VSNL1: variants seen among roughly 807,000 people sequenced by gnomAD.
VSNL1 encodes the protein visinin like 1, also known as visinin-like protein 1.
In VSNL1, 6 loss-of-function variants were observed where a neutral mutation model predicts 20.4. That is an observed-to-expected ratio of 0.29 (90% confidence interval 0.16 to 0.58). The LOEUF is 0.58. Ranked by LOEUF, VSNL1 falls within the 20% of genes least tolerant of loss-of-function variation. VSNL1 has a pLI of 0.90. For missense variants in VSNL1, 100 were observed against 234.5 expected (o/e 0.43, Z 3.75); for synonymous variants, 93 against 86.4 (o/e 1.08, Z -0.42).
At chr2:17,645,504 C>G (rs1374707377) in intron 2 of VSNL1, among the ~76,000 whole-genome samples, 2 of 152,228 alleles carry the variant, frequency 1.3e-5, no homozygotes, top group African/African-American at 4.8e-5. Flanking sequence ...AAATGTGTCA[C>G]TGGAGAGAGG....
intron 2 of VSNL1, among the ~76,000 whole-genome samples, chr2:17,618,987 G>T (rs1368000984): frequency 2.0e-5 from 3 of 152,236 alleles, no homozygotes; most frequent in Non-Finnish European, 4.4e-5. Context: ...TGGGGTCGGG[G>T]TTGGGAAGAG....
intron 1 of VSNL1, among the ~76,000 whole-genome samples, chr2:17,542,372 C>T (rs777758446): frequency 1.3e-4 from 20 of 152,100 alleles, no homozygotes; most frequent in Non-Finnish European, 2.4e-4. Flanking sequence ...AAAAGCATGG[C>T]TAGTGCGTGC....
intron 1 of VSNL1, among the ~76,000 whole-genome samples, chr2:17,587,151 A>T (rs11688077): frequency 0.24 from 36,875 of 151,994 alleles, 5,827 homozygotes; most frequent in Middle Eastern, 0.48. Flanking sequence ...ATGTATTTGC[A>T]CATGTGGTGG....
At chr2:17,615,406 A>G (rs889916730) in intron 2 of VSNL1, among the ~76,000 whole-genome samples, 3 of 152,178 alleles carry the variant, frequency 2.0e-5, no homozygotes, top group African/African-American at 7.2e-5. Flanking sequence ...CTGTATATGC[A>G]TATGTTGTAG....
chr2:17,644,420 AAGAGCAGC>A (rs760461011), intron 2 of VSNL1, among the ~76,000 whole-genome samples: 31 of 152,174 alleles, frequency 2.0e-4, no homozygotes, highest in Non-Finnish European at 2.9e-4. Context: ...GCCTAAAGCA[AAGAGCAGC>A]CTGACAGTGC....
chr2:17,572,369 T>C (rs988405977), intron 1 of VSNL1, among the ~76,000 whole-genome samples: 1 of 152,114 alleles, frequency 6.6e-6, no homozygotes, highest in Non-Finnish European at 1.5e-5. Flanking sequence ...GATACAGATA[T>C]GTAAATAAGA....
intron 2 of VSNL1, among the ~76,000 whole-genome samples, chr2:17,603,439 C>A (rs986706415): frequency 6.6e-6 from 1 of 152,196 alleles, no homozygotes; most frequent in Non-Finnish European, 1.5e-5. Flanking sequence ...CCCAAAGAAC[C>A]TATCTCCTAA....
At chr2:17,576,192 A>C (rs1664210048) in intron 1 of VSNL1, among the ~76,000 whole-genome samples, 2 of 152,170 alleles carry the variant, frequency 1.3e-5, no homozygotes, top group African/African-American at 2.4e-5. Context: ...GAGTGTGTTT[A>C]ATTTTGCATC....
intron 2 of VSNL1, among the ~76,000 whole-genome samples, chr2:17,621,918 C>T (rs367633879): frequency 1.5e-4 from 23 of 152,178 alleles, no homozygotes; most frequent in South Asian, 1.0e-3. Context: ...AATGAGCCAC[C>T]GCACCCAGCC....
At chr2:17,565,682 G>A (rs185145153) in intron 1 of VSNL1, among the ~76,000 whole-genome samples, 319 of 152,294 alleles carry the variant, frequency 2.1e-3, no homozygotes, top group African/African-American at 7.4e-3. Flanking sequence ...ATAACTGAAT[G>A]TCTACAGGGC....
At chr2:17,581,853 T>C (rs907455326) in intron 1 of VSNL1, among the ~76,000 whole-genome samples, 2 of 152,210 alleles carry the variant, frequency 1.3e-5, no homozygotes, top group African/African-American at 4.8e-5. Flanking sequence ...TTCCTGGGTA[T>C]CTGTTCAGCA....
At chr2:17,602,369 C>G (rs1320350791) in intron 2 of VSNL1, among the ~76,000 whole-genome samples, 1 of 152,242 alleles carries the variant, frequency 6.6e-6, no homozygotes, top group African/African-American at 2.4e-5. Flanking sequence ...TCTCCCCTCA[C>G]AGGTGAAATC....
At chr2:17,647,552 T>G (rs1441428595) in intron 2 of VSNL1, among the ~76,000 whole-genome samples, 2 of 152,116 alleles carry the variant, frequency 1.3e-5, no homozygotes, top group African/African-American at 4.8e-5. Flanking sequence ...TCAACATTGT[T>G]TAGTTCAAAA....
intron 2 of VSNL1, among the ~76,000 whole-genome samples, chr2:17,647,287 G>A (rs918551794): frequency 5.3e-5 from 8 of 152,182 alleles, no homozygotes. Context: ...CACGAATGGA[G>A]GTTTCGTGCC....
chr2:17,583,333 C>T (rs1005399818), intron 1 of VSNL1, among the ~76,000 whole-genome samples: 5 of 152,260 alleles, frequency 3.3e-5, no homozygotes, highest in Non-Finnish European at 7.3e-5. Context: ...CTGCTGTTCT[C>T]AGATAAGGGC....
intron 1 of VSNL1, among the ~76,000 whole-genome samples, chr2:17,561,941 A>G (rs1663826128): frequency 6.6e-6 from 1 of 152,156 alleles, no homozygotes; most frequent in Non-Finnish European, 1.5e-5. Context: ...ACATTGTTCT[A>G]AAAAAGAACT....
chr2:17,580,180 A>G (rs912332353), intron 1 of VSNL1, among the ~76,000 whole-genome samples: 1 of 152,224 alleles, frequency 6.6e-6, no homozygotes, highest in Middle Eastern at 3.2e-3. Context: ...TTCAAAAAAT[A>G]GAAAATTCAG....
chr2:17,622,535 AGAAAGAAAGAAAGAAAG>A (rs1665392308), intron 2 of VSNL1, among the ~76,000 whole-genome samples: 2 of 21,226 alleles, frequency 9.4e-5, no homozygotes, highest in African/African-American at 4.3e-4. Context: ...AAGAAAGAAA[AGAAAGAAAGAAAGAAAG>A]AAAGAAAGAA....
At chr2:17,598,943 TC>T (rs1266431111) in intron 2 of VSNL1, among the ~76,000 whole-genome samples, 1 of 152,242 alleles carries the variant, frequency 6.6e-6, no homozygotes, top group Non-Finnish European at 1.5e-5. Flanking sequence ...TTTGACTGAT[TC>T]ATTTATGGCC....
Sources: gnomAD v4.1 joint callset for allele counts (sites outside exome capture counted in the v4.1 genomes callset) on GRCh38, gnomAD v4.1.1 for gene constraint, MANE v1.5 for transcripts, NCBI Gene and HGNC (gene_info 2026-07-23, HGNC 2026-07-21) for gene names.